Variants in KIAA1217 observed in about 807,000 individuals in gnomAD.
KIAA1217 encodes the protein sickle tail protein homolog.
A neutral mutation model predicts 163.9 loss-of-function variants in KIAA1217; 88 were observed. That is an observed-to-expected ratio of 0.54 (90% CI 0.45 to 0.64). KIAA1217 has a LOEUF of 0.64. Among genes scored for constraint, KIAA1217 ranks in the 30% least tolerant of loss-of-function variants. The probability of loss-of-function intolerance (pLI) is 0.00; values close to 1 mark genes in which losing one functional copy is unlikely to be tolerated. For missense variants in KIAA1217, 2,372 were observed against 2,475.0 expected (o/e 0.96, Z 0.88); for synonymous variants, 903 against 923.1 (o/e 0.98, Z 0.39).
intron 2 of KIAA1217, among the ~76,000 whole-genome samples, chr10:24,141,459 G>T (rs11814429): frequency 0.31 from 47,650 of 151,910 alleles, 8,279 homozygotes; most frequent in South Asian, 0.4. Context: ...TTCTTTGAAA[G>T]CCTCAGGGAA....
intron 2 of KIAA1217, among the ~76,000 whole-genome samples, chr10:24,080,598 T>G (rs1264076005): frequency 6.6e-6 from 1 of 152,208 alleles, no homozygotes; most frequent in South Asian, 2.1e-4. Context: ...CCTGTCTCCA[T>G]TTTAAGATTC....
chr10:24,468,189 G>A (rs757878269), intron 5 of KIAA1217, among the ~76,000 whole-genome samples: 2 of 152,154 alleles, frequency 1.3e-5, no homozygotes, highest in African/African-American at 4.8e-5. Context: ...CATCCCTCCA[G>A]TGATGTCCCC....
chr10:24,515,746 A>G (rs1718137174), intron 10 of KIAA1217, among the ~76,000 whole-genome samples: 1 of 152,248 alleles, frequency 6.6e-6, no homozygotes, highest in African/African-American at 2.4e-5. Context: ...CCCACAGGCC[A>G]CAAACAGTAT....
intron 1 of KIAA1217, among the ~76,000 whole-genome samples, chr10:23,961,170 G>T (rs942654365): frequency 6.6e-6 from 1 of 152,134 alleles, no homozygotes; most frequent in Non-Finnish European, 1.5e-5. Context: ...TGCATTCCCA[G>T]TTTATTTATC....
At chr10:24,074,390 A>C (rs1373806681) in intron 2 of KIAA1217, among the ~76,000 whole-genome samples, 5 of 152,068 alleles carry the variant, frequency 3.3e-5, no homozygotes, top group Admixed American at 2.0e-4. Context: ...ACAAAAAAAA[A>C]CACCTAACTT....
rs139792185 is a variant in KIAA1217, at chr10:24,004,485, T to A, written c.-320-2740T>A. ...TTGTGTAAAAATAATAAAACTATAT[T>A]TGGAACTATATTCTAATATACTTTT... On this transcript the variant is annotated intron_variant, in intron 1 of 18. Coordinates refer to the KIAA1217 transcript ENST00000376462. Among the ~76,000 whole-genome samples the A allele has an allele frequency of 4.4e-3, 663 of 152,314 alleles. 10 individuals carry two copies. Among genetic ancestry groups the A allele is most frequent in the African/African-American group, 0.015 (634 of 41,556 alleles).
At chr10:24,159,558 T>G (rs1255333275) in intron 2 of KIAA1217, among the ~76,000 whole-genome samples, 1 of 151,752 alleles carries the variant, frequency 6.6e-6, no homozygotes, top group Non-Finnish European at 1.5e-5. Context: ...GGCGGGCGGA[T>G]CACGAGGTCA....
Position 24,289,780 on chromosome 10 carries a change from G to A in KIAA1217, c.354+69871G>A, listed in dbSNP as rs371319744. 1.2e-4 allele frequency among the ~76,000 whole-genome samples: 19 copies of A among 152,216 alleles called. 1 individual carries two copies. Among genetic ancestry groups the A allele is most frequent in the Admixed American group, 9.8e-4 (15 of 15,306 alleles). ...GCAACACAGTGTGGGAACAGGAAAG[G>A]ATGCTGGGACCCCCTGGGATTGAGA... On this transcript the variant is annotated intron_variant, in intron 2 of 20. Transcript: ENST00000376454.
At chr10:23,861,705 GT>G (rs1258588526) in intron 1 of KIAA1217, among the ~76,000 whole-genome samples, 2 of 152,174 alleles carry the variant, frequency 1.3e-5, no homozygotes, top group African/African-American at 2.4e-5. Context: ...GGCTTTAAGA[GT>G]CTGAGAGAAG....
rs1846629657 is a variant in KIAA1217 at position 23,999,161 on chromosome 10, T to C, written c.-320-8064T>C. On this transcript the variant is annotated intron_variant, in intron 1 of 18. Coordinates refer to the KIAA1217 transcript ENST00000376462. ...CAGAATACAAATAAAGCGGTTTGCA[T>C]GGTTGTATGTATATTTGGTGTTGCT... Among the ~76,000 whole-genome samples the C allele has an allele frequency of 2.6e-5, 4 of 152,298 alleles. No individual in the cohort carries two copies. The South Asian group carries it at 6.2e-4, about 24-fold the overall frequency.
At position 24,017,023 on chromosome 10, in the gene KIAA1217, G is replaced by C. The variant is rs77499710; in HGVS notation, c.-171+9649G>C. Reference sequence around the variant, plus strand: ...GAAATCATGAATATTTTGTTTCGTTGGTTAGTTAGTTTTTTTGTTTTTTTT... The same window carrying C: ...GAAATCATGAATATTTTGTTTCGTTCGTTAGTTAGTTTTTTTGTTTTTTTT... On this transcript the variant is annotated intron_variant, in intron 2 of 18. Transcript: ENST00000376462. Among the ~76,000 whole-genome samples, 770 of 148,114 alleles carry C rather than the reference G, an allele frequency of 5.2e-3. 4 individuals are homozygous for C. Among genetic ancestry groups the C allele is most frequent in the African/African-American group, 0.018 (727 of 40,098 alleles).
chr10:23,962,133 C>T (rs1379505795), intron 1 of KIAA1217, among the ~76,000 whole-genome samples: 1 of 152,186 alleles, frequency 6.6e-6, no homozygotes, highest in East Asian at 1.9e-4. Flanking sequence ...GCCGTGCAGG[C>T]TGACTCTGAC....
chr10:24,129,476 A>T (rs2131803230), intron 2 of KIAA1217, among the ~76,000 whole-genome samples: 1 of 152,314 alleles, frequency 6.6e-6, no homozygotes, highest in South Asian at 2.1e-4. Context: ...AAGTGAGTAT[A>T]AATATATATT....
At chr10:24,286,671 A>G (rs189998841) in intron 2 of KIAA1217, among the ~76,000 whole-genome samples, 31 of 152,298 alleles carry the variant, frequency 2.0e-4, no homozygotes, top group African/African-American at 6.7e-4. Flanking sequence ...TCTGGCTTTA[A>G]AAGACTTCAG....
At chr10:24,235,455 T>C (rs1289365819) in intron 2 of KIAA1217, among the ~76,000 whole-genome samples, 1 of 152,240 alleles carries the variant, frequency 6.6e-6, no homozygotes, top group East Asian at 1.9e-4. Flanking sequence ...TATCTTTTGG[T>C]GATACTTGTA....
intron 2 of KIAA1217, among the ~76,000 whole-genome samples, chr10:24,109,123 G>A (rs1330326032): frequency 6.6e-6 from 1 of 152,150 alleles, no homozygotes; most frequent in Admixed American, 6.5e-5. Context: ...GAGCTACCGT[G>A]CCTGGCCAAG....
At chr10:24,446,297 G>C (rs1365534762) in intron 5 of KIAA1217, among the ~76,000 whole-genome samples, 1 of 152,004 alleles carries the variant, frequency 6.6e-6, no homozygotes, top group Non-Finnish European at 1.5e-5. Flanking sequence ...TGTCAGATGA[G>C]TAGGTTGCTT....
rs549551319 is a variant in KIAA1217 at position 24,064,525 on chromosome 10, T to C, written c.-171+57151T>C. On this transcript the variant is annotated intron_variant, in intron 2 of 18. Transcript: ENST00000376462. ...CATGGTGGATAAGCTTTTTGATGTG[T>C]TGCTGGATTCGGTTTGCCAGTATTT... 2.0e-5 allele frequency among the ~76,000 whole-genome samples: 3 copies of C among 152,292 alleles called. 1 individual carries two copies. The highest frequency in any genetic ancestry group is 4.1e-4 in the South Asian group (2 of 4,828).
At chr10:24,035,541 C>T (rs879343577) in intron 2 of KIAA1217, among the ~76,000 whole-genome samples, 3 of 152,206 alleles carry the variant, frequency 2.0e-5, no homozygotes, top group Non-Finnish European at 2.9e-5. Context: ...AGACTAATCT[C>T]TCCAGCTTCT....
Sources: allele counts gnomAD v4.1 joint callset (sites outside exome capture counted in the v4.1 genomes callset), GRCh38; gene constraint gnomAD v4.1.1; transcripts MANE v1.5; gene names NCBI Gene and HGNC (gene_info 2026-07-23, HGNC 2026-07-21).